Variants in CRACR2A observed in about 807,000 individuals in gnomAD.
CRACR2A encodes the protein calcium release activated channel regulator 2A, also known as EF-hand calcium-binding domain-containing protein 4B.
CRACR2A carries 79 observed loss-of-function variants against 90.5 expected under a neutral mutation model. That is an observed-to-expected ratio of 0.87 (90% CI 0.73 to 1.05). The LOEUF (loss-of-function observed/expected upper bound fraction) is 1.05, where lower values mean the gene tolerates loss of function less well. Among genes scored for constraint, CRACR2A ranks in the 50% least tolerant of loss-of-function variants. The pLI, the probability that CRACR2A is intolerant of heterozygous loss-of-function variation, is 0.00. For synonymous variants in CRACR2A, 338 were observed against 356.7 expected, an observed-to-expected ratio of 0.95 and a Z score of 0.59; for missense variants, 823 against 897.2, an observed-to-expected ratio of 0.92 and a Z score of 1.06.
chr12:3,650,465 A>G (rs926577978), intron 10 of CRACR2A, among the ~76,000 whole-genome samples: 3 of 152,210 alleles, frequency 2.0e-5, no homozygotes, highest in African/African-American at 7.2e-5. Flanking sequence ...ATTACCAATT[A>G]TATTTAATTT....
chr12:3,662,044 C>T (rs1390244564), intron 7 of CRACR2A, among the ~76,000 whole-genome samples: 1 of 152,110 alleles, frequency 6.6e-6, no homozygotes, highest in African/African-American at 2.4e-5. Context: ...AGTTATTTTA[C>T]AAACCACTAA....
intron 1 of CRACR2A, among the ~76,000 whole-genome samples, chr12:3,747,458 A>G (rs1371971187): frequency 6.6e-6 from 1 of 152,060 alleles, no homozygotes; most frequent in East Asian, 1.9e-4. Context: ...CACCAATCCA[A>G]CCCTCTATCC....
chr12:3,644,557 C>A, intron 12 of CRACR2A, 38 bp downstream of exon 12: 1 of 1,544,890 alleles, frequency 6.5e-7, no homozygotes, highest in Non-Finnish European at 8.8e-7. Context: ...GACCACAGCC[C>A]TTGGTCCCCC....
chr12:3,752,842 G>A (rs1404898012), intron 1 of CRACR2A, among the ~76,000 whole-genome samples, 173 bp downstream of exon 1: 2 of 151,950 alleles, frequency 1.3e-5, no homozygotes, highest in African/African-American at 4.8e-5. Flanking sequence ...CCAGGCCTGG[G>A]GGTGGCAGGG....
At chr12:3,625,017 C>T (rs1027448783) in intron 17 of CRACR2A, among the ~76,000 whole-genome samples, 4 of 152,136 alleles carry the variant, frequency 2.6e-5, no homozygotes, top group African/African-American at 4.8e-5. Context: ...AAAAGCTCCA[C>T]GTGTGATCCT....
intron 2 of CRACR2A, chr12:3,726,841 AAAAAGAAAG>A (rs954309388): frequency 6.6e-6 from 1 of 152,150 alleles, no homozygotes; most frequent in Non-Finnish European, 1.5e-5. Flanking sequence ...TAAAGAAAAA[AAAAAGAAAG>A]AAAAGAAAGA....
chr12:3,726,187 A>G, intron 2 of CRACR2A: 1 of 151,094 alleles, frequency 6.6e-6, no homozygotes, highest in South Asian at 2.1e-4. Flanking sequence ...AATACATACT[A>G]TATGTATATT....
chr12:3,721,206 T>G (rs570517960), intron 2 of CRACR2A, among the ~76,000 whole-genome samples: 2 of 151,950 alleles, frequency 1.3e-5, no homozygotes, highest in Admixed American at 6.6e-5. Context: ...ACAGAGTGAC[T>G]CCTAGTAAAA....
intron 6 of CRACR2A, among the ~76,000 whole-genome samples, chr12:3,675,270 T>C (rs1433819023): frequency 1.3e-5 from 2 of 152,342 alleles, no homozygotes; most frequent in Middle Eastern, 3.4e-3. Context: ...CCCTGTGGTA[T>C]AGACATTACT....
intron 13 of CRACR2A, 56 bp from the exon 14 acceptor site, chr12:3,638,510 C>A: frequency 6.8e-7 from 1 of 1,468,728 alleles, no homozygotes; most frequent in Non-Finnish European, 9.1e-7. Flanking sequence ...TATTTCAATA[C>A]GGGCTGCATA....
chr12:3,697,578 T>C (rs934275017), intron 3 of CRACR2A, among the ~76,000 whole-genome samples: 3 of 152,198 alleles, frequency 2.0e-5, no homozygotes, highest in Non-Finnish European at 2.9e-5. Context: ...GTACAACTTG[T>C]ATGATCTCAG....
chr12:3,661,100 A>G (rs1468139375), intron 7 of CRACR2A, among the ~76,000 whole-genome samples: 4 of 152,086 alleles, frequency 2.6e-5, no homozygotes, highest in African/African-American at 9.7e-5. Context: ...TGGGCCTCCA[A>G]TCCAGGACCA....
chr12:3,640,837 C>T (rs1266251164), intron 13 of CRACR2A: 21 of 1,297,842 alleles, frequency 1.6e-5, no homozygotes, highest in Non-Finnish European at 1.9e-5. Flanking sequence ...GTTTGTCTCT[C>T]AATGAGCAAT....
In CRACR2A at chr12:3,646,197, G is replaced by A. The variant is rs1326154589; in HGVS notation, c.1119-1557C>T. On this transcript the variant is annotated intron_variant, in intron 11 of 19. Coordinates refer to ENST00000440314, the MANE Select transcript of CRACR2A (RefSeq NM_001144958.2). Reference sequence around the variant, plus strand: ...AAGTGAGTTGACTGGGTCGCAGCGCGACTGCAGAATGCACTTGGGGATCAC... The same window carrying A: ...AAGTGAGTTGACTGGGTCGCAGCGCAACTGCAGAATGCACTTGGGGATCAC... Among the ~76,000 whole-genome samples the A allele has an allele frequency of 3.3e-5, 5 of 152,214 alleles. No individual in the cohort carries two copies. In the East Asian group the frequency reaches 7.7e-4, roughly 23 times the overall value.
chr12:3,684,711 G>A (rs1342109873), intron 4 of CRACR2A, among the ~76,000 whole-genome samples: 1 of 152,182 alleles, frequency 6.6e-6, no homozygotes, highest in Non-Finnish European at 1.5e-5. Context: ...ACATGAGAAG[G>A]CCATCACTTG....
chr12:3,642,576 T>A (rs2137385508), intron 12 of CRACR2A, among the ~76,000 whole-genome samples: 1 of 152,338 alleles, frequency 6.6e-6, no homozygotes, highest in Non-Finnish European at 1.5e-5. Flanking sequence ...TAATTCACAC[T>A]CTTCTGTCTG....
intron 1 of CRACR2A, among the ~76,000 whole-genome samples, chr12:3,749,778 TTGTTGTTGC>T (rs1946678242): frequency 6.6e-6 from 1 of 150,504 alleles, no homozygotes; most frequent in Admixed American, 6.7e-5. Flanking sequence ...TTTGTTGTTG[TTGTTGTTGC>T]TGTTTCTTTG....
At chr12:3,666,334 T>C (rs889214140) in intron 7 of CRACR2A, among the ~76,000 whole-genome samples, 3 of 93,972 alleles carry the variant, frequency 3.2e-5, no homozygotes, top group African/African-American at 1.0e-4. Flanking sequence ...CGGCTGCGTG[T>C]GTGTGTGTGT....
intron 11 of CRACR2A, among the ~76,000 whole-genome samples, chr12:3,645,446 C>T (rs1944666322): frequency 6.6e-6 from 1 of 152,114 alleles, no homozygotes; most frequent in South Asian, 2.1e-4. Context: ...TCTTCACAGC[C>T]CTGTGGGACA....
Sources: allele counts gnomAD v4.1 joint callset (sites outside exome capture counted in the v4.1 genomes callset), GRCh38; gene constraint gnomAD v4.1.1; transcripts MANE v1.5; gene names NCBI Gene and HGNC (gene_info 2026-07-23, HGNC 2026-07-21).